MICAL2: variants seen among roughly 807,000 people sequenced by gnomAD.
MICAL2 encodes the protein [F-actin]-monooxygenase MICAL2.
Under a neutral mutation model 127.3 loss-of-function variants are expected in MICAL2, and 77 were observed. The ratio of observed to expected loss-of-function variants is 0.60; its 90% confidence interval spans 0.50 to 0.73. The LOEUF is 0.73. Among genes scored for constraint, MICAL2 ranks in the 30% least tolerant of loss-of-function variants. MICAL2 has a pLI of 0.00. For synonymous variants in MICAL2, 570 were observed against 551.1 expected (o/e 1.03, Z -0.48); for missense variants, 1,351 against 1,434.4 (o/e 0.94, Z 0.94).
At chr11:12,278,334 CT>C (rs1471578649) in intron 1 of MICAL2, among the ~76,000 whole-genome samples, 2 of 152,110 alleles carry the variant, frequency 1.3e-5, no homozygotes, top group Non-Finnish European at 2.9e-5. Context: ...ATTCTATAAG[CT>C]TTTTTATTCT....
chr11:12,213,443 A>G, intron 7 of MICAL2, 33 bp downstream of exon 7: 2 of 1,598,774 alleles, frequency 1.3e-6, no homozygotes, highest in Non-Finnish European at 8.5e-7. Context: ...AACCAGGCCA[A>G]GGTCTAAAGT....
chr11:12,357,450 T>G (rs992432253), intron 34 of MICAL2, among the ~76,000 whole-genome samples: 1 of 152,196 alleles, frequency 6.6e-6, no homozygotes, highest in Non-Finnish European at 1.5e-5. Context: ...AAAAGCAAAG[T>G]CAGTGTGGAA....
At chr11:12,249,315 G>A (rs1395900287) in intron 22 of MICAL2, 69 bp downstream of exon 22, 35 of 888,438 alleles carry the variant, frequency 3.9e-5, no homozygotes, top group Non-Finnish European at 5.4e-5. Context: ...CCACCTGCAG[G>A]GCTCTGGGAG....
In MICAL2 at chr11:12,220,470, G is replaced by C. The variant is rs372299683; in HGVS notation, c.1206+12G>C. On this transcript the variant is annotated intron_variant, in intron 9 of 27. Transcript: ENST00000683283. ...ACAGCTTGCTTGAGGTACTGCCTGA[G>C]CTCGGAGCCCCCATGTTTCTCTGCG... 1.2e-5 allele frequency: 19 copies of C among 1,603,838 alleles called. No homozygotes were observed. In the African/African-American group the frequency reaches 2.3e-4, roughly 19 times the overall value.
chr11:12,129,044 C>T lies in MICAL2; in HGVS notation c.-148-9346C>T, dbSNP rs1472637890. ...CAGGGTAGAATGTCCATCCTCTCTG[C>T]AGGATCATTCTGTAACACATTCTGT... On this transcript the variant is annotated intron_variant, in intron 1 of 27. Transcript: ENST00000683283. 5.9e-5 allele frequency among the ~76,000 whole-genome samples: 9 copies of T among 152,326 alleles called. No homozygotes were observed. The South Asian group carries it at 1.4e-3, about 25-fold the overall frequency.
chr11:12,123,829 C>G (rs1485012011), intron 1 of MICAL2, among the ~76,000 whole-genome samples: 1 of 152,128 alleles, frequency 6.6e-6, no homozygotes, highest in African/African-American at 2.4e-5. Flanking sequence ...TGGTTTTCCT[C>G]TGAACATGCC....
At chr11:12,343,965 A>G (rs939583798) in intron 32 of MICAL2, among the ~76,000 whole-genome samples, 7 of 152,210 alleles carry the variant, frequency 4.6e-5, no homozygotes, top group Non-Finnish European at 5.9e-5. Context: ...GCATTACTCA[A>G]TCAGAACTTG....
intron 1 of MICAL2, among the ~76,000 whole-genome samples, chr11:12,134,729 C>T (rs992649818): frequency 2.0e-5 from 3 of 152,156 alleles, no homozygotes; most frequent in African/African-American, 4.8e-5. Flanking sequence ...ATAGCTTATG[C>T]CTCTCATACC....
At chr11:12,192,201 A>T (rs948709661) in intron 3 of MICAL2, among the ~76,000 whole-genome samples, 2 of 152,188 alleles carry the variant, frequency 1.3e-5, no homozygotes, top group African/African-American at 4.8e-5. Context: ...GAGGGATCTA[A>T]GGTCCCTTTC....
intron 2 of MICAL2, among the ~76,000 whole-genome samples, chr11:12,144,442 AC>A (rs757789236): frequency 3.3e-5 from 5 of 151,854 alleles, no homozygotes; most frequent in Non-Finnish European, 7.4e-5. Flanking sequence ...GGACATTTTG[AC>A]CCCCTGAATG....
At position 12,242,294 on chromosome 11, in the gene MICAL2, T is replaced by C. The variant is rs1838052020; in HGVS notation, c.2418T>C (p.Pro806=). Residue 806 remains proline (P), a synonymous_variant, in exon 19 of 28, where the codon CCT becomes CCC. Transcript: ENST00000683283. ...CTGGCAGTGAGTGCCTGAGCAGACC[T>C]TGGAGAGCCAGAGCCAAGTCTGACC... ...VSAGSECLSR[P]WRARAKSDLQ... 5 of 1,614,100 alleles carry C rather than the reference T, an allele frequency of 3.1e-6. No individual in the cohort carries two copies. In the South Asian group the frequency reaches 5.5e-5, roughly 18 times the overall value.
intron 32 of MICAL2, among the ~76,000 whole-genome samples, chr11:12,346,083 A>G (rs1337144511): frequency 1.5e-5 from 2 of 137,836 alleles, no homozygotes; most frequent in Non-Finnish European, 3.4e-5. Flanking sequence ...GAAGGCCGAT[A>G]GAAAGAAGTT....
chr11:12,306,535 A>G lies in MICAL2; in HGVS notation c.5212+11678A>G, dbSNP rs368546810. 1.2e-4 allele frequency among the ~76,000 whole-genome samples: 18 copies of G among 152,354 alleles called. No individual in the cohort carries two copies. The South Asian group carries it at 3.7e-3, about 32-fold the overall frequency. The stretch of plus-strand genomic sequence containing the variant: ...TCCATGTGTTTTTACAATTGTATAT[A>G]GTAATGGAACTGCTTCCAAAATCAA... On this transcript the variant is annotated intron_variant, in intron 29 of 34. Coordinates refer to the MICAL2 transcript ENST00000646065.
At chr11:12,113,443 G>T (rs1248364456) in intron 1 of MICAL2, among the ~76,000 whole-genome samples, 3 of 152,212 alleles carry the variant, frequency 2.0e-5, no homozygotes, top group Admixed American at 2.0e-4. Context: ...TATGAGTGCA[G>T]TTTGAGTGTG....
chr11:12,241,088 G>T lies in MICAL2; in HGVS notation c.2263G>T (p.Gly755Cys). The T allele has an allele frequency of 6.2e-7, 1 of 1,614,062 alleles. No individual in the cohort carries two copies. The highest frequency in any genetic ancestry group is 8.5e-7 in the Non-Finnish European group (1 of 1,180,022). ...TAAGCCGGTCCTGTGCTCTTCCTCC[G>T]GCCCTCCTGTTCACTCTTGCTGCCC... Reference protein sequence around the residue: ...IGKPVLCSSSGPPVHSCCPKP... With the variant: ...IGKPVLCSSSCPPVHSCCPKP... The change falls in exon 18 of 28, where the codon GGC becomes TGC. Residue 755 changes from glycine to cysteine, a missense_variant. Around this residue, in one of 2 missense-constraint regions of MICAL2, gnomAD observed 752 missense variants for 719.4 expected, o/e 1.05. Transcript: ENST00000683283.
intron 32 of MICAL2, among the ~76,000 whole-genome samples, chr11:12,343,406 TAAA>T (rs57546290): frequency 8.2e-5 from 9 of 110,086 alleles, no homozygotes; most frequent in East Asian, 7.2e-4. Context: ...TTCATCTCAT[TAAA>T]AAAAAAAAAA....
intron 32 of MICAL2, among the ~76,000 whole-genome samples, chr11:12,345,090 C>A (rs1464065118): frequency 1.4e-5 from 2 of 144,472 alleles, no homozygotes; most frequent in African/African-American, 5.3e-5. Context: ...CCAGCCTGGG[C>A]GACAGAGCGA....
chr11:12,244,214 G>A (rs895025470), intron 21 of MICAL2, 102 bp downstream of exon 21: 3 of 1,503,260 alleles, frequency 2.0e-6, no homozygotes, highest in Non-Finnish European at 2.8e-6. Flanking sequence ...GGCTTGGCTG[G>A]AATAAAAATT....
At chr11:12,246,165 C>T (rs17480544) in intron 21 of MICAL2, among the ~76,000 whole-genome samples, 4,103 of 152,334 alleles carry the variant, frequency 0.027, 66 homozygotes, top group Middle Eastern at 0.061. Flanking sequence ...TTCTAAGAGA[C>T]GGCAGGGAGC....
Sources: allele counts gnomAD v4.1 joint callset (sites outside exome capture counted in the v4.1 genomes callset), GRCh38; gene constraint gnomAD v4.1.1; regional missense constraint gnomAD v4.1.1; transcripts MANE v1.5; gene names NCBI Gene and HGNC (gene_info 2026-07-23, HGNC 2026-07-21).